RBPMS: variants seen among roughly 807,000 people sequenced by gnomAD.
The protein encoded by RBPMS is RNA binding protein, mRNA processing factor, also known as RNA-binding protein with multiple splicing.
In RBPMS, 7 loss-of-function variants were observed where a neutral mutation model predicts 26.8. The ratio of observed to expected loss-of-function variants is 0.26; its 90% CI spans 0.15 to 0.49. The LOEUF (loss-of-function observed/expected upper bound fraction) is 0.49. RBPMS is among the 20% of genes least tolerant of loss of function. The pLI, the probability that RBPMS is intolerant of heterozygous loss-of-function variation, is 0.98. For missense variants in RBPMS, 186 were observed against 250.0 expected, an observed-to-expected ratio of 0.74 and a Z score of 1.73; for synonymous variants, 96 against 93.3, an observed-to-expected ratio of 1.03 and a Z score of -0.17.
At chr8:30,465,665 T>G (rs1816417915) in intron 1 of RBPMS, among the ~76,000 whole-genome samples, 1 of 152,218 alleles carries the variant, frequency 6.6e-6, no homozygotes, top group African/African-American at 2.4e-5. Context: ...CAGGCGCCTG[T>G]AATCCCAGCT....
chr8:30,558,906 C>G lies in RBPMS; in HGVS notation c.548C>G (p.Ser183Cys). 1 of 1,614,156 alleles carries G rather than the reference C, an allele frequency of 6.2e-7. No individual in the cohort carries two copies. Among genetic ancestry groups the G allele is most frequent in the Non-Finnish European group, 8.5e-7 (1 of 1,180,020 alleles). Reference protein sequence around the residue: ...LHAQMRWLPPSEATSQGWKSR... With the variant: ...LHAQMRWLPPCEATSQGWKSR... ...TTTCAGATGCGCTGGCTCCCTCCCT[C>G]CGAGGCTACTTCTCAGGGCTGGAAG... Residue 183 changes from serine (S) to cysteine (C), a missense_variant, in exon 7 of 9, where the codon TCC becomes TGC. This residue lies in a region of RBPMS where 98 missense variants were observed against 113.6 expected (regional missense o/e 0.86). Transcript: ENST00000397323.
intron 1 of RBPMS, among the ~76,000 whole-genome samples, chr8:30,426,017 G>A (rs1266393251): frequency 6.6e-6 from 1 of 152,206 alleles, no homozygotes; most frequent in Non-Finnish European, 1.5e-5. Flanking sequence ...CCCAAAGAGT[G>A]CCTGCAGGCT....
chr8:30,526,584 A>G (rs1220469660), intron 5 of RBPMS, among the ~76,000 whole-genome samples: 1 of 152,226 alleles, frequency 6.6e-6, no homozygotes, highest in Non-Finnish European at 1.5e-5. Context: ...AAGCACACAC[A>G]GCCTGGAGAA....
At chr8:30,561,828 A>G (rs957057306) in intron 7 of RBPMS, 1 of 983,154 alleles carries the variant, frequency 1.0e-6, no homozygotes, top group Non-Finnish European at 1.2e-6. Context: ...TTAAGAATTT[A>G]TGTAGGCCAC....
chr8:30,501,001 C>T (rs1015770881), intron 4 of RBPMS, among the ~76,000 whole-genome samples: 1 of 152,120 alleles, frequency 6.6e-6, no homozygotes, highest in Non-Finnish European at 1.5e-5. Flanking sequence ...ACACAAACAG[C>T]ATCAGCATTA....
chr8:30,529,751 C>T (rs1277001996), intron 5 of RBPMS, among the ~76,000 whole-genome samples: 1 of 142,134 alleles, frequency 7.0e-6, no homozygotes, highest in Non-Finnish European at 1.5e-5. Flanking sequence ...AGAACTTCAT[C>T]CTTTTTTTTT....
Position 30,486,410 on chromosome 8 carries a change from GC to G in RBPMS, c.246+7037del, listed in dbSNP as rs948680130. On this transcript the variant is annotated intron_variant, in intron 4 of 8. Coordinates refer to ENST00000397323, the MANE Select transcript of RBPMS (RefSeq NM_001008710.3). Reference sequence around the variant, plus strand: ...GGTTCAGCCCAGGTCTGTATCCAGTGCCCCTACTTTTTACCAGGCTGGCCAA... The same window carrying G: ...GGTTCAGCCCAGGTCTGTATCCAGTGCCCTACTTTTTACCAGGCTGGCCAA... Among the ~76,000 whole-genome samples, 144 of 149,842 alleles carry G rather than the reference GC, an allele frequency of 9.6e-4. 1 individual carries two copies. The highest frequency in any genetic ancestry group is 3.2e-3 in the African/African-American group (132 of 40,682).
intron 1 of RBPMS, among the ~76,000 whole-genome samples, chr8:30,468,645 T>C (rs1052216559): frequency 1.3e-5 from 2 of 152,192 alleles, no homozygotes; most frequent in African/African-American, 4.8e-5. Flanking sequence ...AGTCGAGATA[T>C]TTATAGAACA....
chr8:30,471,795 G>A (rs1251533551), intron 1 of RBPMS, among the ~76,000 whole-genome samples: 3 of 152,136 alleles, frequency 2.0e-5, no homozygotes, highest in Non-Finnish European at 2.9e-5. Flanking sequence ...CTGCCTCAGC[G>A]AACTTCATAA....
chr8:30,393,537 C>A (rs1283520133), intron 1 of RBPMS, among the ~76,000 whole-genome samples: 1 of 141,080 alleles, frequency 7.1e-6, no homozygotes, highest in African/African-American at 2.7e-5. Flanking sequence ...TTTTTTTTTT[C>A]TTTGAGACGG....
intron 1 of RBPMS, chr8:30,453,515 GTTCTC>G (rs1490713537): frequency 6.6e-5 from 10 of 152,168 alleles, no homozygotes; most frequent in African/African-American, 2.4e-4. Context: ...CAGAAGAATT[GTTCTC>G]TTATTACATT....
At chr8:30,525,977 T>C (rs1183292539) in intron 5 of RBPMS, among the ~76,000 whole-genome samples, 2 of 152,262 alleles carry the variant, frequency 1.3e-5, no homozygotes, top group East Asian at 3.8e-4. Flanking sequence ...TTTGATGCAC[T>C]TAAATCCCAG....
At chr8:30,505,575 C>T (rs970768746) in intron 5 of RBPMS, among the ~76,000 whole-genome samples, 4 of 152,168 alleles carry the variant, frequency 2.6e-5, no homozygotes, top group African/African-American at 9.7e-5. Flanking sequence ...TTTGTTCTTT[C>T]ACCTTCTTTG....
intron 7 of RBPMS, among the ~76,000 whole-genome samples, chr8:30,561,591 A>G (rs887803376): frequency 3.9e-5 from 6 of 152,194 alleles, no homozygotes; most frequent in Non-Finnish European, 7.3e-5. Context: ...ACTGGAAGAG[A>G]GGCCCCTTGC....
At chr8:30,457,898 T>G (rs147222829) in intron 1 of RBPMS, among the ~76,000 whole-genome samples, 153 of 152,278 alleles carry the variant, frequency 1.0e-3, no homozygotes, top group African/African-American at 3.4e-3. Flanking sequence ...TTTAAGTATT[T>G]TTTCTGTCCC....
In RBPMS at chr8:30,391,500, C is replaced by T. The variant is rs537208298; in HGVS notation, c.66+6342C>T. On this transcript the variant is annotated intron_variant, in intron 1 of 8. Coordinates refer to ENST00000397323, the MANE Select transcript of RBPMS (RefSeq NM_001008710.3). ...TTAGGAAGGAATGAGGAGAATGAAC[C>T]TTAAAAGCTGGTGCAGAAGTGGCTG... 3.3e-5 allele frequency among the ~76,000 whole-genome samples: 5 copies of T among 152,286 alleles called. No individual in the cohort carries two copies. In the South Asian group the frequency reaches 8.3e-4, roughly 25 times the overall value.
chr8:30,512,009 G>T (rs1006423699), intron 5 of RBPMS, among the ~76,000 whole-genome samples: 2 of 152,130 alleles, frequency 1.3e-5, no homozygotes, highest in African/African-American at 4.8e-5. Flanking sequence ...ATAATATTGG[G>T]TTGGTTATTC....
At chr8:30,450,491 T>G (rs1814434620) in intron 1 of RBPMS, among the ~76,000 whole-genome samples, 1 of 152,142 alleles carries the variant, frequency 6.6e-6, no homozygotes, top group South Asian at 2.1e-4. Flanking sequence ...GGGAGGTCAC[T>G]TCAGGTAGAG....
chr8:30,558,828 G>A (rs773245690), intron 6 of RBPMS, 59 bp from the exon 7 acceptor site: 84 of 1,441,914 alleles, frequency 5.8e-5, no homozygotes, highest in South Asian at 1.5e-4. Context: ...AGGACCCTCC[G>A]TGAGAATGGG....
Sources: gnomAD v4.1 joint callset for allele counts (sites outside exome capture counted in the v4.1 genomes callset) on GRCh38, gnomAD v4.1.1 for gene constraint, gnomAD v4.1.1 regional missense constraint, MANE v1.5 for transcripts, NCBI Gene and HGNC (gene_info 2026-07-23, HGNC 2026-07-21) for gene names.